Variants in MAGI2 observed in about 807,000 individuals in gnomAD.
MAGI2 encodes the protein membrane associated guanylate kinase, WW and PDZ domain containing 2, also known as membrane-associated guanylate kinase, WW and PDZ domain-containing protein 2.
A neutral mutation model predicts 133.3 loss-of-function variants in MAGI2; 35 were observed. That is an observed-to-expected ratio of 0.26 (90% CI 0.20 to 0.35). The LOEUF (loss-of-function observed/expected upper bound fraction) is 0.35. MAGI2 is among the 10% of genes least tolerant of loss of function. MAGI2 has a pLI of 1.00. For synonymous variants in MAGI2, 729 were observed against 710.6 expected, an observed-to-expected ratio of 1.03 and a Z score of -0.41; for missense variants, 1,636 against 1,863.4, an observed-to-expected ratio of 0.88 and a Z score of 2.25.
chr7:78,956,989 C>T (rs554491395), intron 2 of MAGI2, among the ~76,000 whole-genome samples: 4 of 151,888 alleles, frequency 2.6e-5, no homozygotes, highest in Admixed American at 6.6e-5. Flanking sequence ...AGGGGTCAGG[C>T]GCGGTAGCTC....
At chr7:78,648,882 G>A (rs1396732323) in intron 2 of MAGI2, among the ~76,000 whole-genome samples, 1 of 152,110 alleles carries the variant, frequency 6.6e-6, no homozygotes, top group Non-Finnish European at 1.5e-5. Flanking sequence ...TAACTCTGCT[G>A]ATGTCAATCT....
At chr7:79,081,312 T>C (rs1816015371) in intron 1 of MAGI2, among the ~76,000 whole-genome samples, 1 of 152,206 alleles carries the variant, frequency 6.6e-6, no homozygotes. Context: ...CAGGTTCCTT[T>C]GTCACAAATT....
rs538729268 is a variant in MAGI2 at position 78,338,462 on chromosome 7, T to C, written c.1408+5316A>G. ...TTCCTGTGTACTATTGTTGTACTTATGTACATATTTTTATTATAGCATTGA... is the reference window on the plus strand; with the variant it reads ...TTCCTGTGTACTATTGTTGTACTTACGTACATATTTTTATTATAGCATTGA... On this transcript the variant is annotated intron_variant, in intron 9 of 21. Transcript: ENST00000354212. 9.2e-5 allele frequency among the ~76,000 whole-genome samples: 14 copies of C among 152,354 alleles called. 1 individual carries two copies. In the South Asian group the frequency reaches 2.9e-3, roughly 32 times the overall value.
intron 2 of MAGI2, among the ~76,000 whole-genome samples, chr7:78,961,523 G>T (rs1437078362): frequency 6.6e-6 from 1 of 152,092 alleles, no homozygotes; most frequent in Admixed American, 6.6e-5. Context: ...GTGACAAAAA[G>T]AAAAATTTTA....
chr7:78,177,447 G>T (rs201741370), intron 14 of MAGI2, among the ~76,000 whole-genome samples: 23 of 139,260 alleles, frequency 1.7e-4, no homozygotes, highest in African/African-American at 3.6e-4. Flanking sequence ...CACACACACA[G>T]ACACACACAC....
At chr7:78,877,133 C>T (rs1050170698) in intron 2 of MAGI2, among the ~76,000 whole-genome samples, 2 of 152,174 alleles carry the variant, frequency 1.3e-5, no homozygotes, top group Non-Finnish European at 1.5e-5. Flanking sequence ...GTGTTATAAA[C>T]GTCACCTTAG....
chr7:78,853,343 T>TCG (rs1793326124), intron 2 of MAGI2, among the ~76,000 whole-genome samples: 1 of 73,684 alleles, frequency 1.4e-5, no homozygotes, highest in African/African-American at 5.2e-5. Flanking sequence ...TTTTTTTTTT[T>TCG]TTTTTTTTTT....
chr7:78,020,029 G>A, intron 21 of MAGI2, 53 bp from the exon 22 acceptor site: 1 of 1,475,272 alleles, frequency 6.8e-7, no homozygotes, highest in Non-Finnish European at 9.1e-7. Flanking sequence ...ACGTCCCCGT[G>A]CCCTCTCTAC....
chr7:78,790,331 A>G (rs1297370868), intron 2 of MAGI2, among the ~76,000 whole-genome samples: 3 of 152,110 alleles, frequency 2.0e-5, no homozygotes, highest in South Asian at 2.1e-4. Flanking sequence ...TATTTATTTT[A>G]TTAGAATTTT....
At chr7:78,232,225 A>C (rs1376669565) in intron 10 of MAGI2, among the ~76,000 whole-genome samples, 1 of 152,212 alleles carries the variant, frequency 6.6e-6, no homozygotes, top group Non-Finnish European at 1.5e-5. Context: ...AATATAATGC[A>C]GGTAGGAACA....
At chr7:79,203,807 T>C (rs1451555622) in intron 1 of MAGI2, among the ~76,000 whole-genome samples, 1 of 152,146 alleles carries the variant, frequency 6.6e-6, no homozygotes, top group East Asian at 1.9e-4. Context: ...ACAACCAGCA[T>C]CTTAAATTAA....
chr7:78,459,995 C>T (rs1453920574), intron 6 of MAGI2, among the ~76,000 whole-genome samples: 2 of 152,226 alleles, frequency 1.3e-5, no homozygotes, highest in African/African-American at 4.8e-5. Flanking sequence ...CACCCCAGGG[C>T]ATTTATTTTG....
chr7:79,276,770 C>A (rs1835257545), intron 1 of MAGI2, among the ~76,000 whole-genome samples: 1 of 152,084 alleles, frequency 6.6e-6, no homozygotes, highest in East Asian at 1.9e-4. Flanking sequence ...TCAAGACCAA[C>A]CTGGACAACA....
chr7:78,973,807 G>T (rs1215223518), intron 2 of MAGI2, among the ~76,000 whole-genome samples: 1 of 151,692 alleles, frequency 6.6e-6, no homozygotes, highest in African/African-American at 2.4e-5. Context: ...AGATTGCAAG[G>T]CATTTCTCAA....
intron 4 of MAGI2, among the ~76,000 whole-genome samples, chr7:78,512,343 C>T (rs6947977): frequency 0.34 from 51,097 of 151,972 alleles, 8,707 homozygotes; most frequent in South Asian, 0.48. Flanking sequence ...TGGGATGATA[C>T]CTCAATCCAG....
intron 2 of MAGI2, among the ~76,000 whole-genome samples, chr7:78,984,954 A>G (rs980692912): frequency 1.0e-4 from 15 of 149,848 alleles, no homozygotes; most frequent in African/African-American, 3.7e-4. Flanking sequence ...CAATCAATGA[A>G]CCTCCAAATG....
chr7:78,677,091 C>A (rs533729598), intron 2 of MAGI2, among the ~76,000 whole-genome samples: 2 of 151,964 alleles, frequency 1.3e-5, no homozygotes, highest in African/African-American at 2.4e-5. Flanking sequence ...AATTTTCATA[C>A]CTTCTTTAAA....
At chr7:78,581,947 C>T (rs1802880685) in intron 3 of MAGI2, among the ~76,000 whole-genome samples, 1 of 152,136 alleles carries the variant, frequency 6.6e-6, no homozygotes, top group African/African-American at 2.4e-5. Flanking sequence ...TTCCTTTCCT[C>T]CGGGTATATG....
chr7:79,344,217 TAAA>T (rs35800680), intron 1 of MAGI2, among the ~76,000 whole-genome samples: 2 of 149,184 alleles, frequency 1.3e-5, no homozygotes, highest in African/African-American at 5.0e-5. Context: ...CTTCACTGGT[TAAA>T]AAAAAAAAGG....
Sources: gnomAD v4.1 joint callset for allele counts (sites outside exome capture counted in the v4.1 genomes callset) on GRCh38, gnomAD v4.1.1 for gene constraint, MANE v1.5 for transcripts, NCBI Gene and HGNC (gene_info 2026-07-23, HGNC 2026-07-21) for gene names.